Variants in ARNT observed in about 807,000 individuals in gnomAD.
The protein encoded by ARNT is class E basic helix-loop-helix protein 2.
A neutral mutation model predicts 105.0 loss-of-function variants in ARNT; 30 were observed. The ratio of observed to expected loss-of-function variants is 0.29; its 90% CI spans 0.21 to 0.39. The LOEUF is 0.39. ARNT is among the 10% of genes least tolerant of loss of function. The pLI is 1.00. For missense variants in ARNT, 748 were observed against 978.7 expected, an observed-to-expected ratio of 0.76 and a Z score of 3.15; for synonymous variants, 304 against 344.0, an observed-to-expected ratio of 0.88 and a Z score of 1.29.
intron 21 of ARNT, among the ~76,000 whole-genome samples, chr1:150,812,959 G>A (rs1655034321): frequency 6.6e-6 from 1 of 152,102 alleles, no homozygotes; most frequent in Non-Finnish European, 1.5e-5. Flanking sequence ...AGCCTTCTAA[G>A]GGGCTGACAT....
chr1:150,820,876 T>C (rs895819810), intron 14 of ARNT, among the ~76,000 whole-genome samples: 3 of 152,178 alleles, frequency 2.0e-5, no homozygotes, highest in African/African-American at 7.2e-5. Flanking sequence ...ATACAACTGA[T>C]TGCTCAACAT....
intron 3 of ARNT, among the ~76,000 whole-genome samples, chr1:150,850,249 CTCTCCA>C (rs1663075089): frequency 6.6e-6 from 1 of 151,938 alleles, no homozygotes; most frequent in Non-Finnish European, 1.5e-5. Context: ...AGCCCTCTCC[CTCTCCA>C]TCTCCCTCTC....
chr1:150,814,070 G>A lies in ARNT; in HGVS notation c.2113+7C>T. The A allele has an allele frequency of 1.2e-6, 2 of 1,613,956 alleles. No individual in the cohort carries two copies. The highest frequency in any genetic ancestry group is 1.7e-6 in the Non-Finnish European group (2 of 1,179,946). On this transcript the variant is annotated splice_region_variant and intron_variant, in intron 20 of 21. Coordinates refer to ENST00000358595, the MANE Select transcript of ARNT (RefSeq NM_001668.4). ...TTCCTGTTACTCTCCTTATGGTCTGGACTCACCAAAGTTAGATCCACGATT... is the reference window on the plus strand; with the variant it reads ...TTCCTGTTACTCTCCTTATGGTCTGAACTCACCAAAGTTAGATCCACGATT...
At position 150,842,465 on chromosome 1, in the gene ARNT, C is replaced by T. The variant is rs368443588; in HGVS notation, c.231G>A (p.Ser77=). 2.2e-5 allele frequency: 35 copies of T among 1,604,218 alleles called. No homozygotes were observed. The highest frequency in any genetic ancestry group is 2.7e-5 in the Non-Finnish European group (32 of 1,175,128). The change falls in exon 5 of 22, where the codon TCG becomes TCA. Residue 77 remains serine (S), a synonymous_variant. Coordinates refer to ENST00000358595, the MANE Select transcript of ARNT (RefSeq NM_001668.4). ...MSNDKERFAR[S]DDEQSSADKE... The stretch of plus-strand genomic sequence containing the variant: ...TATCCGCAGAGCTCTGCTCATCATC[C>T]GACCTAAAAATAGAATTAATGAACT...
chr1:150,861,253 T>G, intron 1 of ARNT: 1 of 426,562 alleles, frequency 2.3e-6, no homozygotes, highest in Middle Eastern at 3.5e-4. Flanking sequence ...GCACCTGTAG[T>G]CCCAGCTACT....
rs1252718564 is a variant in ARNT at position 150,814,223 on chromosome 1, G to C, written c.1967C>G (p.Ala656Gly). The change falls in exon 20 of 22, where the codon GCT becomes GGT. Residue 656 changes from alanine (A) to glycine (G), a missense_variant. Transcript: ENST00000358595. ...GFSAQQVATQATAKTRTSQFG... is the reference protein window; with the variant it reads ...GFSAQQVATQGTAKTRTSQFG... Reference sequence around the variant, plus strand: ...CTGGGAAGTACGAGTCTTAGCAGTAGCCTGGGTAGCCACCTGCTAAAGAGA... The same window carrying C: ...CTGGGAAGTACGAGTCTTAGCAGTACCCTGGGTAGCCACCTGCTAAAGAGA... 2 of 1,614,086 alleles carry C rather than the reference G, an allele frequency of 1.2e-6. No homozygotes were observed.
At chr1:150,859,344 CTTTT>C (rs587772891) in intron 1 of ARNT, among the ~76,000 whole-genome samples, 2 of 133,890 alleles carry the variant, frequency 1.5e-5, no homozygotes, top group Non-Finnish European at 1.6e-5. Context: ...CAGCTGAGTA[CTTTT>C]TTTTTTTTTT....
At position 150,817,745 on chromosome 1, in the gene ARNT, G is replaced by T. The variant is rs780980513; in HGVS notation, c.1505+175C>A. 5.3e-4 allele frequency among the ~76,000 whole-genome samples: 79 copies of T among 150,124 alleles called. 2 individuals are homozygous for T. Among genetic ancestry groups the T allele is most frequent in the South Asian group, 1.0e-3 (5 of 4,780 alleles). ...AATCACTTGAACCCAGGAGACAGAG[G>T]TCACAGTGAGCCTAGATCGTGCCAT... is the stretch of plus-strand genomic sequence containing the variant. On this transcript the variant is annotated intron_variant, in intron 15 of 21. Transcript: ENST00000358595.
chr1:150,861,229 G>GT, intron 1 of ARNT: 1 of 338,086 alleles, frequency 3.0e-6, no homozygotes, highest in Non-Finnish European at 5.8e-6. Context: ...AAATAAAACT[G>GT]GGTGCAGTGG....
intron 1 of ARNT, among the ~76,000 whole-genome samples, chr1:150,863,355 C>CAA (rs769411546): frequency 7.4e-5 from 8 of 108,554 alleles, no homozygotes; most frequent in Non-Finnish European, 1.2e-4. Context: ...GACTCTGTCT[C>CAA]AAAAAAAAAA....
intron 1 of ARNT, among the ~76,000 whole-genome samples, chr1:150,869,532 A>G (rs985079946): frequency 2.6e-5 from 4 of 151,850 alleles, no homozygotes; most frequent in Non-Finnish European, 4.4e-5. Flanking sequence ...AAAAGATTTT[A>G]GGAAACTACT....
At chr1:150,814,760 T>C (rs966859582) in intron 19 of ARNT, among the ~76,000 whole-genome samples, 7 of 152,114 alleles carry the variant, frequency 4.6e-5, no homozygotes, top group Non-Finnish European at 7.4e-5. Context: ...GGAGAATCAC[T>C]TGAACCCGGG....
intron 3 of ARNT, among the ~76,000 whole-genome samples, chr1:150,847,761 A>G (rs1306083741): frequency 1.3e-5 from 2 of 152,188 alleles, no homozygotes; most frequent in African/African-American, 2.4e-5. Context: ...GAAAAAGTCT[A>G]TCTTCTCCAG....
intron 1 of ARNT, among the ~76,000 whole-genome samples, chr1:150,860,583 C>T (rs587673482): frequency 6.6e-5 from 10 of 151,930 alleles, no homozygotes; most frequent in South Asian, 6.2e-4. Context: ...TGGCCAGGCA[C>T]GGTGGCTCAC....
intron 3 of ARNT, among the ~76,000 whole-genome samples, chr1:150,848,160 T>C (rs587768073): frequency 6.6e-6 from 1 of 152,196 alleles, no homozygotes; most frequent in South Asian, 2.1e-4. Flanking sequence ...AAACTGTAGT[T>C]GTCTAAAGAG....
At chr1:150,852,910 A>C (rs922161908) in intron 2 of ARNT, 104 bp from the exon 3 acceptor site, 14 of 1,366,678 alleles carry the variant, frequency 1.0e-5, no homozygotes, top group Non-Finnish European at 1.2e-5. Context: ...CCCAAATGGA[A>C]GAATGGAAAG....
intron 17 of ARNT, 84 bp from the exon 18 acceptor site, chr1:150,816,974 A>G: frequency 6.2e-7 from 1 of 1,601,792 alleles, no homozygotes; most frequent in Admixed American, 1.7e-5. Context: ...CTCAGGTGGT[A>G]TTATGATTAA....
intron 19 of ARNT, among the ~76,000 whole-genome samples, chr1:150,814,961 T>C (rs917180440): frequency 2.0e-5 from 3 of 152,194 alleles, no homozygotes; most frequent in Non-Finnish European, 4.4e-5. Context: ...TATTTTCTCA[T>C]GAGAGTTCTG....
chr1:150,864,731 G>A (rs1666237962), intron 1 of ARNT, among the ~76,000 whole-genome samples: 1 of 145,238 alleles, frequency 6.9e-6, no homozygotes, highest in African/African-American at 2.5e-5. Context: ...CCTGCACAAT[G>A]TGCACATGTA....
Sources: allele counts gnomAD v4.1 joint callset (sites outside exome capture counted in the v4.1 genomes callset), GRCh38; gene constraint gnomAD v4.1.1; transcripts MANE v1.5; gene names NCBI Gene and HGNC (gene_info 2026-07-23, HGNC 2026-07-21).